Variants in POLR2C observed in about 807,000 individuals in gnomAD.
POLR2C encodes the protein DNA-directed RNA polymerase II subunit RPB3.
A neutral mutation model predicts 41.7 loss-of-function variants in POLR2C; 36 were observed. The observed-to-expected ratio is 0.86, with a 90% CI of 0.66 to 1.14. POLR2C has a LOEUF of 1.14. POLR2C is among the 50% of genes most tolerant of loss of function. POLR2C has a pLI of 0.00. For missense variants in POLR2C, 260 were observed against 350.4 expected (o/e 0.74, Z 2.06); for synonymous variants, 133 against 137.8 (o/e 0.96, Z 0.25).
In POLR2C at chr16:57,463,096, C is replaced by T. The variant is rs2146597355; in HGVS notation, c.136+18C>T. On this transcript the variant is annotated intron_variant, in intron 2 of 8. Transcript: ENST00000219252. The stretch of plus-strand genomic sequence containing the variant: ...CATAATAGGTAAGCGACTCCCCTTC[C>T]TCGTTCCCGCGCCCACGGGTTCCTG... 1.2e-6 allele frequency: 2 copies of T among 1,601,276 alleles called. No homozygotes were observed. The highest frequency in any genetic ancestry group is 8.6e-7 in the Non-Finnish European group (1 of 1,169,118).
chr16:57,468,660 A>G (rs1432654297), intron 4 of POLR2C, among the ~76,000 whole-genome samples: 1 of 152,246 alleles, frequency 6.6e-6, no homozygotes, highest in African/African-American at 2.4e-5. Context: ...CTATTTGTGT[A>G]TATGTATGAA....
At chr16:57,468,570 GTTGTT>G (rs1297770244) in intron 4 of POLR2C, among the ~76,000 whole-genome samples, 1 of 152,250 alleles carries the variant, frequency 6.6e-6, no homozygotes, top group Non-Finnish European at 1.5e-5. Context: ...GAATGAGTCA[GTTGTT>G]TTAAGAATGG....
intron 2 of POLR2C, chr16:57,465,749 A>T (rs544166795): frequency 7.4e-6 from 4 of 539,142 alleles, no homozygotes; most frequent in Non-Finnish European, 1.3e-5. Context: ...CCCCTGCATT[A>T]AATTCACCTG....
Position 57,471,419 on chromosome 16 carries a change from T to G in POLR2C, c.*300T>G. On this transcript the variant is annotated 3_prime_UTR_variant, in exon 9 of 9. Transcript: ENST00000219252. Reference sequence around the variant, plus strand: ...GCACCTGTAGGGAACCAACTAGACTTCTCTCCTGGTTAGTCCAGCTCTTTA... The same window carrying G: ...GCACCTGTAGGGAACCAACTAGACTGCTCTCCTGGTTAGTCCAGCTCTTTA... The G allele has an allele frequency of 2.9e-6, 1 of 339,640 alleles. No homozygotes were observed. The highest frequency in any genetic ancestry group is 4.4e-5 in the South Asian group (1 of 22,588). The allele number at this position is 339,640 out of a possible 1,614,324, so 21.0% of individuals were successfully genotyped here.
intron 2 of POLR2C, chr16:57,463,517 T>G: frequency 2.7e-6 from 1 of 370,584 alleles, no homozygotes; most frequent in Non-Finnish European, 5.4e-6. Context: ...CAATAGGTAG[T>G]TTTTCACCCC....
In POLR2C at chr16:57,471,374, C is replaced by T. The variant is rs2030834257; in HGVS notation, c.*255C>T. ...AGTGCTCCCCAGATCCCAGAAGGTC[C>T]CTGCTGGAGTGTTTCCAGTGCACCT... On this transcript the variant is annotated 3_prime_UTR_variant, in exon 9 of 9. Coordinates refer to ENST00000219252, the MANE Select transcript of POLR2C (RefSeq NM_032940.3). The T allele has an allele frequency of 2.2e-6, 1 of 456,618 alleles. No individual in the cohort carries two copies. The highest frequency in any genetic ancestry group is 4.0e-6 in the Non-Finnish European group (1 of 252,754). The allele number at this position is 456,618 out of a possible 1,614,324, so 28.3% of individuals were successfully genotyped here.
chr16:57,463,517 T>C, intron 2 of POLR2C: 1 of 370,584 alleles, frequency 2.7e-6, no homozygotes, highest in South Asian at 2.0e-5. Flanking sequence ...CAATAGGTAG[T>C]TTTTCACCCC....
chr16:57,468,099 T>A (rs2030751053), intron 4 of POLR2C, among the ~76,000 whole-genome samples: 1 of 152,198 alleles, frequency 6.6e-6, no homozygotes, highest in African/African-American at 2.4e-5. Flanking sequence ...GACCTCAGCC[T>A]CTGGGCTCAA....
chr16:57,467,365 TAATA>T (rs1440390132), intron 4 of POLR2C, among the ~76,000 whole-genome samples: 3 of 152,380 alleles, frequency 2.0e-5, no homozygotes, highest in African/African-American at 7.2e-5. Context: ...TTTTGTTTTT[TAATA>T]AATAAAACAT....
rs2146603135 is a variant in POLR2C at position 57,469,218 on chromosome 16, T to C, written c.312T>C (p.Asp104=). 6.2e-7 allele frequency: 1 copy of C among 1,614,172 alleles called. No homozygotes were observed. The highest frequency in any genetic ancestry group is 8.5e-7 in the Non-Finnish European group (1 of 1,180,000). ...AGTGCTCGGTGGAGTTCACCCTCGA[T>C]GTGCGGTGCAATGAAGACCAGACGC... ...CPECSVEFTL[D]VRCNEDQTRH... Residue 104 remains aspartate, a synonymous_variant, in exon 5 of 9, where the codon GAT becomes GAC. Transcript: ENST00000219252. The surrounding 1 kb of genome is among the most constrained non-coding windows in gnomAD (Gnocchi z 5.8).
rs577175555 is a variant in POLR2C at position 57,469,720 on chromosome 16, G to A, written c.398G>A (p.Arg133Gln). 39 of 1,613,798 alleles carry A rather than the reference G, an allele frequency of 2.4e-5. No homozygotes were observed. Among genetic ancestry groups the A allele is most frequent in the South Asian group, 1.1e-4 (10 of 91,084 alleles). Residue 133 changes from arginine to glutamine, a missense_variant, in exon 6 of 9, where the codon CGG (arginine) becomes CAG (glutamine). Coordinates refer to ENST00000219252, the MANE Select transcript of POLR2C (RefSeq NM_032940.3). The surrounding 1 kb of genome is among the most constrained non-coding windows in gnomAD (Gnocchi z 5.8). ...GTGGACTCCCTACAGGTGACATCCC[G>A]GAACCGAGATAATGACCCCAATGAC... Reference protein sequence around the residue: ...NSPRVIPVTSRNRDNDPNDYV... With the variant: ...NSPRVIPVTSQNRDNDPNDYV...
At position 57,466,219 on chromosome 16, in the gene POLR2C, T is replaced by G; in HGVS notation, c.250T>G (p.Tyr84Asp). The G allele has an allele frequency of 6.3e-7, 1 of 1,586,294 alleles. No individual in the cohort carries two copies. The highest frequency in any genetic ancestry group is 8.6e-7 in the Non-Finnish European group (1 of 1,164,394). Residue 84 changes from tyrosine (Y) to aspartate (D), a missense_variant, in exon 4 of 9, where the codon TAC becomes GAC. Tyr to Asp is a radical substitution (Grantham distance 160). Coordinates refer to ENST00000219252, the MANE Select transcript of POLR2C (RefSeq NM_032940.3). The part of the protein sequence containing the change: ...ISDDIVDKLQ[Y>D]SRDCTCEEFC... ...TGATGACATTGTGGACAAGCTGCAG[T>G]ACTCTCGGGTATGTTGTGTGATTGG...
chr16:57,469,366 TG>T lies in POLR2C; in HGVS notation c.387+77del. The T allele has an allele frequency of 6.6e-7, 1 of 1,509,112 alleles. No individual in the cohort carries two copies. The highest frequency in any genetic ancestry group is 9.2e-7 in the Non-Finnish European group (1 of 1,085,260). The allele number at this position is 1,509,112 out of a possible 1,614,324, so 93.5% of individuals were successfully genotyped here. On this transcript the variant is annotated intron_variant, in intron 5 of 8. Transcript: ENST00000219252. The surrounding 1 kb of genome is among the most constrained non-coding windows in gnomAD (Gnocchi z 5.8). ...CTGGCTGGCTCCAAGTGGGCCAGACTGGGGTTGATCCTTAGAAAATGTTGGC... is the reference window on the plus strand; with the variant it reads ...CTGGCTGGCTCCAAGTGGGCCAGACTGGGTTGATCCTTAGAAAATGTTGGC...
At chr16:57,463,695 G>A (rs980411299) in intron 2 of POLR2C, 34 of 451,544 alleles carry the variant, frequency 7.5e-5, no homozygotes, top group Non-Finnish European at 1.3e-4. Flanking sequence ...TGTAATTCCA[G>A]CACTTTGGGA....
In POLR2C at chr16:57,471,199, T is replaced by C. The variant is rs767452910; in HGVS notation, c.*80T>C. The C allele has an allele frequency of 3.2e-6, 4 of 1,237,352 alleles. No homozygotes were observed. Among genetic ancestry groups the C allele is most frequent in the South Asian group, 1.3e-5 (1 of 78,516 alleles). 76.6% of individuals were successfully genotyped at this position (1,237,352 alleles called of 1,614,324 possible). A position where few individuals can be genotyped will look rare whatever the true frequency, so the allele number is the denominator to read the frequency against. On this transcript the variant is annotated 3_prime_UTR_variant, in exon 9 of 9. Coordinates refer to ENST00000219252, the MANE Select transcript of POLR2C (RefSeq NM_032940.3). ...GGGGTCTCTCTTCAGACTCTTCTCG[T>C]TTCTGAGAATCTAGTCTACTGTTGG...
At chr16:57,466,141 G>C in intron 3 of POLR2C, 34 bp from the exon 4 acceptor site, 1 of 1,570,120 alleles carries the variant, frequency 6.4e-7, no homozygotes, top group Non-Finnish European at 8.8e-7. Flanking sequence ...TTGGCTGTTT[G>C]GTTTTCTTTA....
intron 4 of POLR2C, among the ~76,000 whole-genome samples, chr16:57,468,504 C>T (rs1169409089): frequency 6.6e-6 from 1 of 152,188 alleles, no homozygotes; most frequent in African/African-American, 2.4e-5. Context: ...TTGATTGCAT[C>T]CTAGTAACTG....
intron 4 of POLR2C, among the ~76,000 whole-genome samples, chr16:57,468,016 T>C (rs948582516): frequency 3.9e-5 from 6 of 152,066 alleles, no homozygotes; most frequent in Admixed American, 2.0e-4. Context: ...ATTTCTTTAT[T>C]TTTCTATTTT....
intron 4 of POLR2C, among the ~76,000 whole-genome samples, chr16:57,466,966 G>A (rs2030722876): frequency 6.6e-6 from 1 of 152,156 alleles, no homozygotes; most frequent in Non-Finnish European, 1.5e-5. Context: ...GGATGCAGTG[G>A]CTCACACCTG....
Sources: gnomAD v4.1 joint callset for allele counts (sites outside exome capture counted in the v4.1 genomes callset) on GRCh38, gnomAD v4.1.1 for gene constraint, Gnocchi (gnomAD v3.1) non-coding constraint, MANE v1.5 for transcripts, NCBI Gene and HGNC (gene_info 2026-07-23, HGNC 2026-07-21) for gene names.